CFTR: variants seen among roughly 807,000 people sequenced by gnomAD.
The protein encoded by CFTR is cystic fibrosis transmembrane conductance regulator.
A neutral mutation model predicts 171.6 loss-of-function variants in CFTR; 181 were observed. The ratio of observed to expected loss-of-function variants is 1.05; its 90% confidence interval spans 0.93 to 1.19. CFTR has a LOEUF of 1.19. Ranked by LOEUF, CFTR falls within the 50% of genes most tolerant of loss-of-function variation. The probability of loss-of-function intolerance (pLI) is 0.00; values close to 1 mark genes in which losing one functional copy is unlikely to be tolerated. For synonymous variants in CFTR, 583 were observed against 608.0 expected (o/e 0.96, Z 0.60); for missense variants, 1,968 against 1,734.7 (o/e 1.13, Z -2.39).
chr7:117,547,223 A>G (rs981366003), intron 9 of CFTR, among the ~76,000 whole-genome samples: 21 of 152,268 alleles, frequency 1.4e-4, no homozygotes, highest in African/African-American at 4.6e-4. Flanking sequence ...TTGAAAACCT[A>G]TGTACCCCTG....
intron 3 of CFTR, among the ~76,000 whole-genome samples, chr7:117,510,414 T>C (rs2116643671): frequency 6.6e-6 from 1 of 152,336 alleles, no homozygotes; most frequent in South Asian, 2.1e-4. Context: ...GATCCTATCA[T>C]ATAAATCATG....
At chr7:117,661,060 T>G (rs1793272114) in intron 24 of CFTR, among the ~76,000 whole-genome samples, 1 of 152,222 alleles carries the variant, frequency 6.6e-6, no homozygotes, top group Admixed American at 6.5e-5. Context: ...AACAATAACT[T>G]TGTACTTTTC....
At chr7:117,605,146 ACTT>A (rs372885893) in intron 17 of CFTR, among the ~76,000 whole-genome samples, 3 of 152,110 alleles carry the variant, frequency 2.0e-5, no homozygotes, top group South Asian at 2.1e-4. Context: ...TGGCCATTCC[ACTT>A]CTTCTTTTCC....
At chr7:117,583,442 A>C (rs1046843832) in intron 11 of CFTR, among the ~76,000 whole-genome samples, 3 of 151,994 alleles carry the variant, frequency 2.0e-5, no homozygotes, top group African/African-American at 7.3e-5. Flanking sequence ...TCCATTCCTG[A>C]GTTACTTCAT....
chr7:117,497,802 C>T (rs1798262623), intron 1 of CFTR, among the ~76,000 whole-genome samples: 1 of 151,902 alleles, frequency 6.6e-6, no homozygotes, highest in Non-Finnish European at 1.5e-5. Flanking sequence ...CATATTTGGC[C>T]AGAAAATTTA....
intron 18 of CFTR, among the ~76,000 whole-genome samples, chr7:117,607,953 T>G (rs770288236): frequency 9.2e-5 from 14 of 152,204 alleles, no homozygotes; most frequent in Non-Finnish European, 5.9e-5. Context: ...TGACATTTGT[T>G]TTTCATGTTA....
At chr7:117,632,312 C>T (rs139420406) in intron 22 of CFTR, among the ~76,000 whole-genome samples, 4 of 152,166 alleles carry the variant, frequency 2.6e-5, no homozygotes, top group Non-Finnish European at 4.4e-5. Flanking sequence ...TGCTTGTAAT[C>T]GAGCACTTTG....
chr7:117,489,397 T>G (rs1798121838), intron 1 of CFTR, among the ~76,000 whole-genome samples: 1 of 152,116 alleles, frequency 6.6e-6, no homozygotes, highest in Non-Finnish European at 1.5e-5. Context: ...ATGTAGTGCT[T>G]CTTTTTGGAA....
rs190039970 is a variant in CFTR, at chr7:117,599,040, C to T, written c.2620-3786C>T. Among the ~76,000 whole-genome samples the T allele has an allele frequency of 3.6e-4, 55 of 152,026 alleles. 1 individual carries two copies. In the East Asian group the frequency reaches 9.8e-3, roughly 27 times the overall value. ...CAATATAATGAAAATTTTAATAATT[C>T]CTTTTATACTTTAACAAAAATACGA... On this transcript the variant is annotated intron_variant, in intron 15 of 26. Transcript: ENST00000003084.
At chr7:117,560,993 A>T (rs993863462) in intron 11 of CFTR, among the ~76,000 whole-genome samples, 1 of 152,036 alleles carries the variant, frequency 6.6e-6, no homozygotes, top group South Asian at 2.1e-4. Context: ...GTGTTTTCCC[A>T]TAGGAATTAA....
intron 24 of CFTR, among the ~76,000 whole-genome samples, chr7:117,662,961 T>A (rs1482093350): frequency 6.6e-6 from 1 of 152,078 alleles, no homozygotes; most frequent in Non-Finnish European, 1.5e-5. Context: ...TGTTCACACA[T>A]GACAATAGGA....
Position 117,592,425 on chromosome 7 carries a change from G to A in CFTR, c.2258G>A (p.Ser753Asn), listed in dbSNP as rs754150498. ...GGAGAGGCGATACTGCCTCGCATCA[G>A]CGTGATCAGCACTGGCCCCACGCTT... Reference protein sequence around the residue: ...EQGEAILPRISVISTGPTLQA... With the variant: ...EQGEAILPRINVISTGPTLQA... Residue 753 changes from serine (S) to asparagine (N), a missense_variant, in exon 14 of 27, where the codon AGC (serine) becomes AAC (asparagine). By Grantham distance (46) the Ser-to-Asn change is conservative. Coordinates refer to ENST00000003084, the MANE Select transcript of CFTR (RefSeq NM_000492.4). The A allele has an allele frequency of 1.2e-6, 2 of 1,612,468 alleles. No homozygotes were observed. Among genetic ancestry groups the A allele is most frequent in the South Asian group, 1.1e-5 (1 of 90,808 alleles).
chr7:117,606,602 A>T, intron 17 of CFTR, 72 bp from the exon 18 acceptor site: 4 of 832,640 alleles, frequency 4.8e-6, no homozygotes, highest in Admixed American at 1.7e-5. Flanking sequence ...ATCCAAACTT[A>T]GTATTGAATA....
chr7:117,635,234 C>T (rs961595645), intron 22 of CFTR, among the ~76,000 whole-genome samples: 3 of 152,074 alleles, frequency 2.0e-5, no homozygotes, highest in African/African-American at 4.8e-5. Flanking sequence ...GATGTCTGTT[C>T]TCTCTGAAAG....
Position 117,489,752 on chromosome 7 carries a change from T to C in CFTR, c.53+9605T>C, listed in dbSNP as rs1798126937. On this transcript the variant is annotated intron_variant, in intron 1 of 26. Coordinates refer to ENST00000003084, the MANE Select transcript of CFTR (RefSeq NM_000492.4). Reference sequence around the variant, plus strand: ...ACTAAACAAGCCTGACAGCCCAGGATCATGTTCGGATCAATCTAGTGTGCT... The same window carrying C: ...ACTAAACAAGCCTGACAGCCCAGGACCATGTTCGGATCAATCTAGTGTGCT... Among the ~76,000 whole-genome samples the C allele has an allele frequency of 1.3e-5, 2 of 151,876 alleles. 1 individual carries two copies. The highest frequency in any genetic ancestry group is 4.2e-4 in the South Asian group (2 of 4,808).
chr7:117,656,398 G>A (rs769422093), intron 24 of CFTR, among the ~76,000 whole-genome samples: 4 of 152,124 alleles, frequency 2.6e-5, no homozygotes, highest in Non-Finnish European at 4.4e-5. Context: ...GAGCACTGCC[G>A]GGCAAAATGC....
chr7:117,632,164 C>A (rs1396279858), intron 22 of CFTR, among the ~76,000 whole-genome samples: 1 of 152,140 alleles, frequency 6.6e-6, no homozygotes, highest in African/African-American at 2.4e-5. Flanking sequence ...TGGGCCCCAA[C>A]AAAGAATTAA....
At chr7:117,570,317 C>T (rs1461786883) in intron 11 of CFTR, among the ~76,000 whole-genome samples, 2 of 152,102 alleles carry the variant, frequency 1.3e-5, no homozygotes, top group African/African-American at 4.8e-5. Context: ...TATTTTACAG[C>T]ATTCTAGCTA....
At chr7:117,628,536 G>T (rs35305858) in intron 22 of CFTR, among the ~76,000 whole-genome samples, 4,876 of 151,958 alleles carry the variant, frequency 0.032, 110 homozygotes, top group African/African-American at 0.034. Context: ...AAACTGAATT[G>T]CAAACTGAAT....
Sources: gnomAD v4.1 joint callset for allele counts (sites outside exome capture counted in the v4.1 genomes callset) on GRCh38, gnomAD v4.1.1 for gene constraint, MANE v1.5 for transcripts, NCBI Gene and HGNC (gene_info 2026-07-23, HGNC 2026-07-21) for gene names.